Variants in TMEM209 observed in about 807,000 individuals in gnomAD.
The protein encoded by TMEM209 is transmembrane protein 209.
In TMEM209, 65 loss-of-function variants were observed where a neutral mutation model predicts 76.2. The observed-to-expected ratio is 0.85, with a 90% CI of 0.70 to 1.05. The LOEUF is 1.05. Ranked by LOEUF, TMEM209 falls within the 50% of genes least tolerant of loss-of-function variation. The pLI is 0.00. For synonymous variants in TMEM209, 239 were observed against 237.6 expected (o/e 1.01, Z -0.06); for missense variants, 623 against 685.5 (o/e 0.91, Z 1.02).
At chr7:130,179,064 A>C (rs922773569) in intron 9 of TMEM209, among the ~76,000 whole-genome samples, 7 of 152,170 alleles carry the variant, frequency 4.6e-5, no homozygotes, top group African/African-American at 1.7e-4. Flanking sequence ...TTGAGATCAC[A>C]GGTGTTAGCC....
chr7:130,167,089 A>T (rs1174025949), intron 14 of TMEM209, among the ~76,000 whole-genome samples: 1 of 152,118 alleles, frequency 6.6e-6, no homozygotes, highest in Non-Finnish European at 1.5e-5. Flanking sequence ...AAATCAACAG[A>T]TAATATCTGA....
chr7:130,204,029 C>A lies in TMEM209; in HGVS notation c.85G>T (p.Val29Phe), dbSNP rs762419136. 2 of 1,613,646 alleles carry A rather than the reference C, an allele frequency of 1.2e-6. 1 individual carries two copies. The highest frequency in any genetic ancestry group is 2.2e-5 in the South Asian group (2 of 91,012). Residue 29 changes from valine (V) to phenylalanine (F), a missense_variant, in exon 2 of 15, where the codon GTC becomes TTC. By Grantham distance (50) the Val-to-Phe change is conservative. Coordinates refer to ENST00000397622, the MANE Select transcript of TMEM209 (RefSeq NM_032842.4). ...ACATTTAGGAGTCCCCAGGCTAAGA[C>A]CACTTTCCTAGCCTCTGTTTCTTTT... ...MRKETEARKV[V>F]LAWGLLNVSM...
At chr7:130,204,989 G>A (rs1798386955) in intron 1 of TMEM209, 2 of 1,153,534 alleles carry the variant, frequency 1.7e-6, no homozygotes, top group South Asian at 2.4e-5. Context: ...GGTGAGCGGA[G>A]TAAGAGGGAG....
At chr7:130,184,343 T>C in intron 7 of TMEM209, 88 bp from the exon 8 acceptor site, 1 of 1,022,560 alleles carries the variant, frequency 9.8e-7, no homozygotes, top group Non-Finnish European at 1.4e-6. Context: ...AAAAAATATT[T>C]AATGAACTTT....
rs375589921 is a variant in TMEM209, at chr7:130,173,778, T to C, written c.1459+47A>G. On this transcript the variant is annotated intron_variant, in intron 12 of 14. Coordinates refer to ENST00000397622, the MANE Select transcript of TMEM209 (RefSeq NM_032842.4). ...CATTAAAAAACCAAACCCCCAGAGA[T>C]ATTTTGTGTGAAAATCTCAACACAT... The C allele has an allele frequency of 7.2e-5, 115 of 1,606,074 alleles. 1 individual carries two copies. In the African/African-American group the frequency reaches 1.5e-3, roughly 20 times the overall value.
intron 9 of TMEM209, among the ~76,000 whole-genome samples, chr7:130,179,779 C>T (rs930360893): frequency 6.6e-6 from 1 of 152,028 alleles, no homozygotes; most frequent in African/African-American, 2.4e-5. Flanking sequence ...AGTACAAGAC[C>T]AACCTGGACA....
At chr7:130,204,132 AG>A in intron 1 of TMEM209, 22 bp from the exon 2 acceptor site, 1 of 1,593,000 alleles carries the variant, frequency 6.3e-7, no homozygotes, top group Non-Finnish European at 8.5e-7. Context: ...CAAAAAGCAC[AG>A]GAATTAACCA....
intron 5 of TMEM209, among the ~76,000 whole-genome samples, chr7:130,200,420 A>G (rs1367795760): frequency 6.6e-6 from 1 of 152,222 alleles, no homozygotes; most frequent in Admixed American, 6.5e-5. Context: ...AATTGGTACA[A>G]TTCTTTTGGA....
chr7:130,205,290 C>T, intron 1 of TMEM209, 83 bp downstream of exon 1: 2 of 1,613,208 alleles, frequency 1.2e-6, no homozygotes, highest in Admixed American at 1.7e-5. Context: ...TGGCTGAACC[C>T]AGGACAGATC....
Position 130,181,781 on chromosome 7 carries a change from T to C in TMEM209, c.1024-62A>G, listed in dbSNP as rs1169758431. 4 of 1,385,304 alleles carry C rather than the reference T, an allele frequency of 2.9e-6. No individual in the cohort carries two copies. In the Admixed American group the frequency reaches 8.3e-5, roughly 29 times the overall value. The allele number at this position is 1,385,304 out of a possible 1,614,324, so 85.8% of individuals were successfully genotyped here. ...TCCCAAGTAGCTGTCAAATAATTAC[T>C]TTCTTTTTTACAAGCAACTCTAAGA... On this transcript the variant is annotated intron_variant, in intron 8 of 14. Transcript: ENST00000397622.
intron 11 of TMEM209, chr7:130,175,296 T>C (rs1018117827): frequency 2.3e-6 from 1 of 434,914 alleles, no homozygotes; most frequent in Non-Finnish European, 4.0e-6. Context: ...ACCCCATCTC[T>C]ACAAAAAATT....
chr7:130,182,521 TATTAC>T (rs1797458087), intron 8 of TMEM209, among the ~76,000 whole-genome samples: 1 of 152,220 alleles, frequency 6.6e-6, no homozygotes, highest in Admixed American at 6.5e-5. Context: ...AACAGAGACT[TATTAC>T]ATTTGAAACT....
In TMEM209 at chr7:130,192,734, A is replaced by G; in HGVS notation, c.663T>C (p.Ser221=). Residue 221 remains serine, a synonymous_variant, in exon 6 of 15, where the codon TCT becomes TCC. Coordinates refer to ENST00000397622, the MANE Select transcript of TMEM209 (RefSeq NM_032842.4). ...ESSGLRSRYR[S]SPTVYNSPTD... is the part of the protein sequence containing the mutation. ...TAGGTGAGTTGTAGACGGTAGGTGA[A>G]GAACGGTAGCGAGATCTCAATCCAC... is the stretch of plus-strand genomic sequence containing the variant. 1.2e-6 allele frequency: 2 copies of G among 1,613,952 alleles called. No homozygotes were observed. The highest frequency in any genetic ancestry group is 8.5e-7 in the Non-Finnish European group (1 of 1,179,828).
At chr7:130,185,155 A>T (rs1797552779) in intron 7 of TMEM209, 37 bp downstream of exon 7, 2 of 1,581,550 alleles carry the variant, frequency 1.3e-6, no homozygotes, top group Non-Finnish European at 1.7e-6. Flanking sequence ...ACAATGCATA[A>T]ATCATAAATA....
chr7:130,169,448 G>A (rs900644097), intron 14 of TMEM209, among the ~76,000 whole-genome samples: 1 of 152,184 alleles, frequency 6.6e-6, no homozygotes, highest in South Asian at 2.1e-4. Context: ...ATCCAAACTA[G>A]CATTTCAATA....
In TMEM209 at chr7:130,169,063, C is replaced by T. The variant is rs547851855; in HGVS notation, c.1631+1337G>A. Reference sequence around the variant, plus strand: ...ACCAGCCTGGCCAACATGGAGAAACCCCGTCTCTACCAAAAATACCCGGCA... The same window carrying T: ...ACCAGCCTGGCCAACATGGAGAAACTCCGTCTCTACCAAAAATACCCGGCA... On this transcript the variant is annotated intron_variant, in intron 14 of 14. Coordinates refer to ENST00000397622, the MANE Select transcript of TMEM209 (RefSeq NM_032842.4). 2.0e-4 allele frequency among the ~76,000 whole-genome samples: 30 copies of T among 151,766 alleles called. No individual in the cohort carries two copies. In the South Asian group the frequency reaches 5.4e-3, roughly 27 times the overall value.
chr7:130,190,407 A>G (rs974322398), intron 6 of TMEM209, among the ~76,000 whole-genome samples: 8 of 152,104 alleles, frequency 5.3e-5, no homozygotes, highest in Non-Finnish European at 1.0e-4. Flanking sequence ...AATCCTAGCT[A>G]CTTGGAAAGC....
At chr7:130,177,575 C>A (rs923863032) in intron 10 of TMEM209, among the ~76,000 whole-genome samples, 4 of 151,846 alleles carry the variant, frequency 2.6e-5, no homozygotes, top group African/African-American at 7.3e-5. Flanking sequence ...TAGTGATATA[C>A]AAAGAAATAT....
In TMEM209 at chr7:130,173,729, T is replaced by C. The variant is rs1203281817; in HGVS notation, c.1460A>G (p.Asp487Gly). ...GCAAAAAACATTCTCATTTGTAACA[T>C]CTGTAAAGGAAGGCAATATGCTGCA... ...QHFVQTPNKPDVTNENVFCIY... is the reference protein window; with the variant it reads ...QHFVQTPNKPGVTNENVFCIY... Residue 487 changes from aspartate (D) to glycine (G), a missense_variant and splice_region_variant, in exon 13 of 15, where the codon GAT (aspartate) becomes GGT (glycine). Asp to Gly is a moderately conservative substitution (Grantham distance 94). Coordinates refer to ENST00000397622, the MANE Select transcript of TMEM209 (RefSeq NM_032842.4). 1.2e-6 allele frequency: 2 copies of C among 1,613,378 alleles called. No homozygotes were observed. Among genetic ancestry groups the C allele is most frequent in the Non-Finnish European group, 1.7e-6 (2 of 1,179,554 alleles).
Sources: allele counts gnomAD v4.1 joint callset (sites outside exome capture counted in the v4.1 genomes callset), GRCh38; gene constraint gnomAD v4.1.1; transcripts MANE v1.5; gene names NCBI Gene and HGNC (gene_info 2026-07-23, HGNC 2026-07-21).